Variants in NME7 observed in about 807,000 individuals in gnomAD.
NME7 encodes the protein nucleoside diphosphate kinase 7.
Under a neutral mutation model 49.1 loss-of-function variants are expected in NME7, and 41 were observed. The observed-to-expected ratio is 0.83, with a 90% CI of 0.65 to 1.08. The LOEUF is 1.08. NME7 is among the 50% of genes least tolerant of loss of function. NME7 has a pLI of 0.00. For synonymous variants in NME7, 139 were observed against 150.6 expected (o/e 0.92, Z 0.56); for missense variants, 423 against 463.4 (o/e 0.91, Z 0.80).
intron 7 of NME7, chr1:169,284,424 C>T (rs908704081): frequency 3.3e-5 from 5 of 151,970 alleles, no homozygotes; most frequent in Admixed American, 3.3e-4. Flanking sequence ...CCTTTGACCA[C>T]TTTTTAATGA....
intron 1 of NME7, among the ~76,000 whole-genome samples, chr1:169,349,077 T>C (rs1235479256): frequency 6.6e-6 from 1 of 152,112 alleles, no homozygotes; most frequent in Non-Finnish European, 1.5e-5. Flanking sequence ...CAATAAGTGA[T>C]AGATATTAAC....
At chr1:169,314,586 C>T (rs1454633607) in intron 3 of NME7, among the ~76,000 whole-genome samples, 3 of 151,832 alleles carry the variant, frequency 2.0e-5, no homozygotes, top group Non-Finnish European at 4.4e-5. Flanking sequence ...AATAAGTGCT[C>T]TACAGTAGAT....
intron 1 of NME7, among the ~76,000 whole-genome samples, chr1:169,343,493 C>CT (rs548933130): frequency 0.017 from 2,411 of 140,440 alleles, 58 homozygotes; most frequent in African/African-American, 0.053. Context: ...TACATTGTCT[C>CT]TTTTTTTTTT....
intron 10 of NME7, among the ~76,000 whole-genome samples, chr1:169,189,514 G>A (rs900329301): frequency 4.0e-5 from 6 of 151,716 alleles, no homozygotes; most frequent in Non-Finnish European, 5.9e-5. Flanking sequence ...TTCAGCTTTC[G>A]CAACAGGATA....
At chr1:169,279,151 G>C (rs1043315688) in intron 7 of NME7, among the ~76,000 whole-genome samples, 1 of 152,182 alleles carries the variant, frequency 6.6e-6, no homozygotes, top group Non-Finnish European at 1.5e-5. Context: ...GGACCCACTT[G>C]AGGAGGCAGT....
intron 4 of NME7, among the ~76,000 whole-genome samples, chr1:169,303,641 G>C (rs1254084939): frequency 1.3e-5 from 2 of 151,760 alleles, no homozygotes; most frequent in East Asian, 3.9e-4. Context: ...TACTAGAGAT[G>C]GGGTTTCACC....
intron 6 of NME7, among the ~76,000 whole-genome samples, chr1:169,289,547 C>T (rs1010968585): frequency 6.6e-6 from 1 of 151,794 alleles, no homozygotes; most frequent in Non-Finnish European, 1.5e-5. Flanking sequence ...GCTCCAAAAA[C>T]CATGTACTTT....
rs750346097 is a variant in NME7, at chr1:169,163,826, C to T, written c.1098+5621G>A. Among the ~76,000 whole-genome samples the T allele has an allele frequency of 5.8e-4, 89 of 152,184 alleles. 1 individual carries two copies. Among genetic ancestry groups the T allele is most frequent in the Non-Finnish European group, 8.5e-4 (58 of 67,978 alleles). ...TAAAGTTGTTTAAAAAAATTAGAATCTTGGCCAGGCGTGGTAGCTTACATC... is the reference window on the plus strand; with the variant it reads ...TAAAGTTGTTTAAAAAAATTAGAATTTTGGCCAGGCGTGGTAGCTTACATC... On this transcript the variant is annotated intron_variant, in intron 11 of 11. Coordinates refer to ENST00000367811, the MANE Select transcript of NME7 (RefSeq NM_013330.5).
intron 11 of NME7, among the ~76,000 whole-genome samples, chr1:169,150,186 T>C (rs1349885760): frequency 6.6e-6 from 1 of 152,102 alleles, no homozygotes; most frequent in East Asian, 1.9e-4. Context: ...TTACAATATG[T>C]ATATATATTG....
intron 10 of NME7, among the ~76,000 whole-genome samples, chr1:169,192,592 T>A (rs571288045): frequency 9.9e-5 from 15 of 152,132 alleles, no homozygotes; most frequent in African/African-American, 2.9e-4. Context: ...AGGAGTACTT[T>A]ACTTGGAAAA....
intron 10 of NME7, among the ~76,000 whole-genome samples, chr1:169,178,138 C>G (rs1659815680): frequency 6.6e-6 from 1 of 152,130 alleles, no homozygotes; most frequent in South Asian, 2.1e-4. Flanking sequence ...CGTGCCCAGC[C>G]TCTCCTCTTT....
intron 5 of NME7, among the ~76,000 whole-genome samples, chr1:169,300,942 G>C (rs1280416370): frequency 2.0e-5 from 3 of 152,016 alleles, no homozygotes; most frequent in African/African-American, 7.2e-5. Context: ...ACTCAAGATG[G>C]ATTAAAGATT....
At chr1:169,193,055 T>C (rs959614978) in intron 10 of NME7, among the ~76,000 whole-genome samples, 2 of 152,132 alleles carry the variant, frequency 1.3e-5, no homozygotes, top group Non-Finnish European at 2.9e-5. Flanking sequence ...TTCATACCTG[T>C]AATCCCAACA....
chr1:169,359,531 G>A (rs1653586194), intron 1 of NME7, among the ~76,000 whole-genome samples: 1 of 151,572 alleles, frequency 6.6e-6, no homozygotes, highest in East Asian at 1.9e-4. Flanking sequence ...AATATTAATA[G>A]CGATTGTATA....
At chr1:169,180,210 T>C (rs937024351) in intron 10 of NME7, among the ~76,000 whole-genome samples, 2 of 152,202 alleles carry the variant, frequency 1.3e-5, no homozygotes, top group Non-Finnish European at 2.9e-5. Context: ...AAATGTCTAA[T>C]GGTGTCTGGC....
chr1:169,172,571 T>C (rs978246642), intron 10 of NME7, among the ~76,000 whole-genome samples: 2 of 152,228 alleles, frequency 1.3e-5, no homozygotes, highest in African/African-American at 4.8e-5. Context: ...AGTTCATTTT[T>C]CATGCTGCTA....
chr1:169,330,461 C>T (rs61806984), intron 1 of NME7, among the ~76,000 whole-genome samples: 7,554 of 152,056 alleles, frequency 0.05, 256 homozygotes, highest in East Asian at 0.12. Context: ...AAAAGGATCA[C>T]GAGGTCAGGA....
At chr1:169,188,164 C>T (rs1324456938) in intron 10 of NME7, among the ~76,000 whole-genome samples, 1 of 152,152 alleles carries the variant, frequency 6.6e-6, no homozygotes, top group Admixed American at 6.6e-5. Flanking sequence ...ACCTTTCTCT[C>T]TGGCTGCCCT....
At chr1:169,254,040 T>A (rs1648774464) in intron 7 of NME7, among the ~76,000 whole-genome samples, 1 of 151,520 alleles carries the variant, frequency 6.6e-6, no homozygotes, top group Admixed American at 6.6e-5. Context: ...TGGTTGTGTC[T>A]CTGCCTGGCT....
Sources: allele counts gnomAD v4.1 joint callset (sites outside exome capture counted in the v4.1 genomes callset), GRCh38; gene constraint gnomAD v4.1.1; transcripts MANE v1.5; gene names NCBI Gene and HGNC (gene_info 2026-07-23, HGNC 2026-07-21).